FBXL7: variants seen among roughly 807,000 people sequenced by gnomAD.
FBXL7 encodes the protein F-box/LRR-repeat protein 7.
In FBXL7, 12 loss-of-function variants were observed where a neutral mutation model predicts 38.3. That is an observed-to-expected ratio of 0.31 (90% confidence interval 0.20 to 0.51). The LOEUF (loss-of-function observed/expected upper bound fraction) is 0.51, where lower values mean the gene tolerates loss of function less well. Ranked by LOEUF, FBXL7 falls within the 20% of genes least tolerant of loss-of-function variation. The pLI, the probability that FBXL7 is intolerant of heterozygous loss-of-function variation, is 0.98. For missense variants in FBXL7, 567 were observed against 676.4 expected, an observed-to-expected ratio of 0.84 and a Z score of 1.79; for synonymous variants, 297 against 300.9, an observed-to-expected ratio of 0.99 and a Z score of 0.13.
intron 2 of FBXL7, among the ~76,000 whole-genome samples, chr5:15,643,191 C>G (rs1741419435): frequency 6.6e-6 from 1 of 152,200 alleles, no homozygotes; most frequent in Non-Finnish European, 1.5e-5. Context: ...TAGGCTTCAT[C>G]ATGGAGCTGC....
Position 15,500,732 on chromosome 5 carries a change from C to A in FBXL7, c.37+19C>A. On this transcript the variant is annotated intron_variant, in intron 1 of 3. Transcript: ENST00000504595. The stretch of plus-strand genomic sequence containing the variant: ...AGTGAGGGTGAGTGGGCCGCCCGTC[C>A]TCAGACTCCCGGATCGCGTCCCTCC... 3.1e-6 allele frequency: 5 copies of A among 1,604,116 alleles called. No individual in the cohort carries two copies. The highest frequency in any genetic ancestry group is 4.3e-6 in the Non-Finnish European group (5 of 1,174,842).
chr5:15,563,365 G>T (rs1738472084), intron 1 of FBXL7, among the ~76,000 whole-genome samples: 1 of 152,096 alleles, frequency 6.6e-6, no homozygotes, highest in South Asian at 2.1e-4. Flanking sequence ...CGTTGACCTT[G>T]CATGGAAAGC....
chr5:15,549,391 G>A (rs1010878305), intron 1 of FBXL7, among the ~76,000 whole-genome samples: 1 of 152,152 alleles, frequency 6.6e-6, no homozygotes, highest in African/African-American at 2.4e-5. Flanking sequence ...AGCATAGCCA[G>A]AATCTCAAGC....
At chr5:15,629,169 C>G (rs960861102) in intron 2 of FBXL7, among the ~76,000 whole-genome samples, 1 of 150,638 alleles carries the variant, frequency 6.6e-6, no homozygotes, top group Admixed American at 6.6e-5. Flanking sequence ...ACCTGTTGTC[C>G]CAGCTGCTCA....
At chr5:15,796,343 T>A (rs1306328003) in intron 2 of FBXL7, among the ~76,000 whole-genome samples, 3 of 152,212 alleles carry the variant, frequency 2.0e-5, no homozygotes, top group Non-Finnish European at 4.4e-5. Context: ...AATAAAATGT[T>A]ATTGGAACAT....
At chr5:15,590,593 T>G (rs1739442512) in intron 1 of FBXL7, among the ~76,000 whole-genome samples, 1 of 152,110 alleles carries the variant, frequency 6.6e-6, no homozygotes, top group South Asian at 2.1e-4. Context: ...CTTTTGCTTC[T>G]GGGCCTCTCA....
chr5:15,764,314 T>C (rs952819225), intron 2 of FBXL7, among the ~76,000 whole-genome samples: 1 of 152,198 alleles, frequency 6.6e-6, no homozygotes, highest in African/African-American at 2.4e-5. Context: ...TATTACTATT[T>C]GAATACATAT....
chr5:15,520,767 A>G (rs947927530), intron 1 of FBXL7, among the ~76,000 whole-genome samples: 10 of 152,224 alleles, frequency 6.6e-5, no homozygotes, highest in African/African-American at 1.9e-4. Flanking sequence ...TTTTTCTGTA[A>G]ATTGAAAGAA....
chr5:15,567,946 A>G (rs7444301), intron 1 of FBXL7, among the ~76,000 whole-genome samples: 78,731 of 150,794 alleles, frequency 0.52, 20,882 homozygotes, highest in African/African-American at 0.61. Context: ...TTATGGCTGC[A>G]TAGTATTCCA....
intron 2 of FBXL7, among the ~76,000 whole-genome samples, chr5:15,671,762 A>T (rs1412437481): frequency 6.6e-6 from 1 of 152,228 alleles, no homozygotes; most frequent in Non-Finnish European, 1.5e-5. Context: ...TCAGTGTTGC[A>T]TTGAAACCAA....
chr5:15,848,700 T>G (rs982914748), intron 2 of FBXL7, among the ~76,000 whole-genome samples: 1 of 152,186 alleles, frequency 6.6e-6, no homozygotes, highest in Non-Finnish European at 1.5e-5. Context: ...TGGAATCATT[T>G]AACTAAGAGA....
intron 1 of FBXL7, among the ~76,000 whole-genome samples, chr5:15,506,139 A>G (rs2126347956): frequency 6.6e-6 from 1 of 152,056 alleles, no homozygotes; most frequent in East Asian, 1.9e-4. Context: ...AGAACTTTCA[A>G]CTTTTCACTT....
intron 2 of FBXL7, among the ~76,000 whole-genome samples, chr5:15,731,783 C>G (rs992707837): frequency 1.3e-5 from 2 of 152,040 alleles, no homozygotes; most frequent in African/African-American, 4.8e-5. Context: ...GATGAATCCC[C>G]GAGTGTGCTT....
At chr5:15,840,212 C>T (rs760775526) in intron 2 of FBXL7, among the ~76,000 whole-genome samples, 3 of 152,156 alleles carry the variant, frequency 2.0e-5, no homozygotes, top group Non-Finnish European at 4.4e-5. Context: ...AAAGGAAAAA[C>T]CTTCAAGTGT....
intron 2 of FBXL7, among the ~76,000 whole-genome samples, chr5:15,705,035 AC>A (rs1450431920): frequency 1.3e-5 from 2 of 152,186 alleles, no homozygotes; most frequent in Non-Finnish European, 2.9e-5. Flanking sequence ...GCTTGAAAGA[AC>A]CATGGTACTC....
chr5:15,632,643 A>T (rs1741038804), intron 2 of FBXL7, among the ~76,000 whole-genome samples: 1 of 152,234 alleles, frequency 6.6e-6, no homozygotes, highest in Non-Finnish European at 1.5e-5. Flanking sequence ...GGTGGAGTGG[A>T]TAAAGAAAAT....
chr5:15,745,744 G>T (rs749142365), intron 2 of FBXL7, among the ~76,000 whole-genome samples: 14 of 152,196 alleles, frequency 9.2e-5, no homozygotes, highest in Non-Finnish European at 1.6e-4. Context: ...AGCCAGTAAG[G>T]GTGAGCACAG....
chr5:15,547,265 T>C (rs148786245), intron 1 of FBXL7, among the ~76,000 whole-genome samples: 1 of 152,320 alleles, frequency 6.6e-6, no homozygotes, highest in East Asian at 1.9e-4. Flanking sequence ...CCTAAGTGTT[T>C]AGAGAAAATG....
intron 1 of FBXL7, among the ~76,000 whole-genome samples, chr5:15,559,358 T>G (rs1420246059): frequency 6.6e-6 from 1 of 152,184 alleles, no homozygotes; most frequent in African/African-American, 2.4e-5. Flanking sequence ...AATAATGTGA[T>G]AGAATCTCAC....
Sources: allele counts gnomAD v4.1 joint callset (sites outside exome capture counted in the v4.1 genomes callset), GRCh38; gene constraint gnomAD v4.1.1; transcripts MANE v1.5; gene names NCBI Gene and HGNC (gene_info 2026-07-23, HGNC 2026-07-21).